The following ST6GALNAC3 variants were observed in gnomAD, a reference collection of about 807,000 sequenced individuals.
The protein encoded by ST6GALNAC3 is ST6 N-acetylgalactosaminide alpha-2,6-sialyltransferase 3, also known as alpha-N-acetylgalactosaminide alpha-2,6-sialyltransferase 3.
ST6GALNAC3 carries 25 observed loss-of-function variants against 32.7 expected under a neutral mutation model. That is an observed-to-expected ratio of 0.76 (90% CI 0.56 to 1.07). The LOEUF (loss-of-function observed/expected upper bound fraction) is 1.07, where lower values mean the gene tolerates loss of function less well. Among genes scored for constraint, ST6GALNAC3 ranks in the 50% least tolerant of loss-of-function variants. The pLI is 0.00. For synonymous variants in ST6GALNAC3, 129 were observed against 133.1 expected (o/e 0.97, Z 0.21); for missense variants, 355 against 382.4 (o/e 0.93, Z 0.60).
rs397864038 is a variant in ST6GALNAC3 at position 76,264,900 on chromosome 1, CTTTTTTT to C, written c.19-48895_19-48889del. On this transcript the variant is annotated intron_variant, in intron 1 of 4. Coordinates refer to ENST00000328299, the MANE Select transcript of ST6GALNAC3 (RefSeq NM_152996.4). ...GATGCTTGACTGTAACTCTAGTGCT[CTTTTTTT>C]TTTTTTTTTAACTAGATTATATTAG... Among the ~76,000 whole-genome samples the C allele has an allele frequency of 8.7e-5, 12 of 137,444 alleles. No homozygotes were observed. The South Asian group carries it at 2.8e-3, about 32-fold the overall frequency. 90.2% of individuals were successfully genotyped at this position (137,444 alleles called of 152,430 possible). A position where few individuals can be genotyped will look rare whatever the true frequency, so the allele number is the denominator to read the frequency against.
At chr1:76,278,776 A>C (rs1201724540) in intron 1 of ST6GALNAC3, among the ~76,000 whole-genome samples, 1 of 152,196 alleles carries the variant, frequency 6.6e-6, no homozygotes, top group East Asian at 1.9e-4. Flanking sequence ...TATTTTCATG[A>C]CAAGGGAAAC....
intron 3 of ST6GALNAC3, among the ~76,000 whole-genome samples, chr1:76,564,450 G>A (rs1311729885): frequency 1.3e-5 from 2 of 152,100 alleles, no homozygotes; most frequent in African/African-American, 4.8e-5. Flanking sequence ...GCAAATGACT[G>A]CAACCTTCAC....
At chr1:76,263,079 A>G (rs1281446017) in intron 1 of ST6GALNAC3, among the ~76,000 whole-genome samples, 1 of 152,154 alleles carries the variant, frequency 6.6e-6, no homozygotes, top group Non-Finnish European at 1.5e-5. Flanking sequence ...ATGACTATAG[A>G]GAATGAATAT....
intron 1 of ST6GALNAC3, among the ~76,000 whole-genome samples, chr1:76,111,429 A>T (rs1647928620): frequency 7.4e-6 from 1 of 135,694 alleles, no homozygotes; most frequent in Non-Finnish European, 1.6e-5. Context: ...CCCAAATGAC[A>T]TTTTTTTTTT....
intron 2 of ST6GALNAC3, among the ~76,000 whole-genome samples, chr1:76,384,283 T>A (rs1389481541): frequency 6.6e-6 from 1 of 152,108 alleles, no homozygotes; most frequent in Non-Finnish European, 1.5e-5. Flanking sequence ...AAGGAAATCA[T>A]GTTAAAAATA....
intron 3 of ST6GALNAC3, among the ~76,000 whole-genome samples, chr1:76,417,633 A>G (rs1047168902): frequency 1.6e-4 from 25 of 152,150 alleles, no homozygotes; most frequent in African/African-American, 5.6e-4. Flanking sequence ...CTGCTTTCCT[A>G]TGGGTAGGTG....
At chr1:76,254,861 T>A (rs991031638) in intron 1 of ST6GALNAC3, among the ~76,000 whole-genome samples, 6 of 152,032 alleles carry the variant, frequency 3.9e-5, no homozygotes, top group African/African-American at 1.4e-4. Flanking sequence ...GAAGAGTGGT[T>A]TTCATAAGGC....
At chr1:76,617,360 C>CTTT (rs564466397) in intron 3 of ST6GALNAC3, among the ~76,000 whole-genome samples, 5 of 147,784 alleles carry the variant, frequency 3.4e-5, no homozygotes, top group Non-Finnish European at 3.0e-5. Context: ...CTGTTACAAT[C>CTTT]TTTTTTTTTT....
chr1:76,214,570 G>A (rs1180763812), intron 1 of ST6GALNAC3, among the ~76,000 whole-genome samples: 1 of 152,090 alleles, frequency 6.6e-6, no homozygotes, highest in African/African-American at 2.4e-5. Context: ...CTAAAATTAA[G>A]TTACTACACA....
chr1:76,575,693 G>A (rs1646791849), intron 3 of ST6GALNAC3, among the ~76,000 whole-genome samples: 2 of 152,064 alleles, frequency 1.3e-5, no homozygotes, highest in African/African-American at 2.4e-5. Context: ...GGGAAAAGGT[G>A]AAATGGTGTA....
intron 3 of ST6GALNAC3, among the ~76,000 whole-genome samples, chr1:76,590,473 T>C (rs1647030154): frequency 6.6e-6 from 1 of 152,220 alleles, no homozygotes; most frequent in Admixed American, 6.5e-5. Flanking sequence ...GCTTACCTTT[T>C]CTATTGTAAG....
intron 1 of ST6GALNAC3, among the ~76,000 whole-genome samples, chr1:76,132,872 C>T (rs1649705503): frequency 6.6e-6 from 1 of 152,180 alleles, no homozygotes; most frequent in Non-Finnish European, 1.5e-5. Context: ...GAGGGTCATA[C>T]AGCCAGGTGT....
chr1:76,603,805 T>C (rs377699439), intron 3 of ST6GALNAC3, among the ~76,000 whole-genome samples: 51 of 152,304 alleles, frequency 3.3e-4, no homozygotes, highest in African/African-American at 1.2e-3. Context: ...CCTGATTAGC[T>C]GGGACTACAG....
At chr1:76,232,007 C>T (rs1656385795) in intron 1 of ST6GALNAC3, among the ~76,000 whole-genome samples, 1 of 152,128 alleles carries the variant, frequency 6.6e-6, no homozygotes, top group African/African-American at 2.4e-5. Context: ...GTAGTTTCTA[C>T]CATTCTCATT....
chr1:76,360,019 T>C (rs566030897), intron 2 of ST6GALNAC3, among the ~76,000 whole-genome samples: 1 of 152,178 alleles, frequency 6.6e-6, no homozygotes, highest in Admixed American at 6.5e-5. Context: ...CTTTGATGAA[T>C]GTTTAAAGAA....
At chr1:76,318,927 G>A (rs1008157109) in intron 2 of ST6GALNAC3, among the ~76,000 whole-genome samples, 5 of 152,094 alleles carry the variant, frequency 3.3e-5, no homozygotes, top group East Asian at 3.9e-4. Flanking sequence ...AGGAGAAAAC[G>A]AACTTCAAGC....
At chr1:76,507,905 G>A (rs539076049) in intron 3 of ST6GALNAC3, among the ~76,000 whole-genome samples, 75 of 152,256 alleles carry the variant, frequency 4.9e-4, no homozygotes, top group African/African-American at 1.7e-3. Flanking sequence ...CAGTGTACAA[G>A]GGTTCCAATT....
intron 1 of ST6GALNAC3, among the ~76,000 whole-genome samples, chr1:76,105,779 A>G (rs946887002): frequency 2.6e-5 from 4 of 152,238 alleles, no homozygotes; most frequent in African/African-American, 7.2e-5. Context: ...ATAGCCCTAT[A>G]AAATACATCC....
Position 76,412,118 on chromosome 1 carries a change from C to T in ST6GALNAC3, c.324C>T (p.Asn108=), listed in dbSNP as rs114476524. The T allele has an allele frequency of 6.0e-4, 962 of 1,613,674 alleles. No individual in the cohort carries two copies. The highest frequency in any genetic ancestry group is 7.5e-4 in the Non-Finnish European group (881 of 1,179,796). Residue 108 remains asparagine, a synonymous_variant, in exon 3 of 5, where the codon AAC becomes AAT. Transcript: ENST00000328299. ...IDRSSCIWRM[N]NAPTKGYEED... Reference sequence around the variant, plus strand: ...GATCCTCCTGCATTTGGAGAATGAACAATGCCCCCACCAAAGGTTATGAAG... The same window carrying T: ...GATCCTCCTGCATTTGGAGAATGAATAATGCCCCCACCAAAGGTTATGAAG...
Sources: allele counts gnomAD v4.1 joint callset (sites outside exome capture counted in the v4.1 genomes callset), GRCh38; gene constraint gnomAD v4.1.1; transcripts MANE v1.5; gene names NCBI Gene and HGNC (gene_info 2026-07-23, HGNC 2026-07-21).